Variants in CAP2 observed in about 807,000 individuals in gnomAD.
CAP2 encodes the protein cyclase associated actin cytoskeleton regulatory protein 2, also known as adenylyl cyclase-associated protein 2.
In CAP2, 24 loss-of-function variants were observed where a neutral mutation model predicts 57.7. The observed-to-expected ratio is 0.42, with a 90% confidence interval of 0.30 to 0.58. CAP2 has a LOEUF of 0.58. Ranked by LOEUF, CAP2 falls within the 20% of genes least tolerant of loss-of-function variation. CAP2 has a pLI of 0.22. For missense variants in CAP2, 501 were observed against 590.3 expected, an observed-to-expected ratio of 0.85 and a Z score of 1.57; for synonymous variants, 194 against 207.2, an observed-to-expected ratio of 0.94 and a Z score of 0.55.
At chr6:17,440,372 C>T (rs1052222240) in intron 3 of CAP2, among the ~76,000 whole-genome samples, 2 of 151,534 alleles carry the variant, frequency 1.3e-5, no homozygotes, top group Non-Finnish European at 2.9e-5. Flanking sequence ...GGCTACCTTT[C>T]TGAAGTTCAC....
chr6:17,475,430 T>C (rs553460241), intron 4 of CAP2, among the ~76,000 whole-genome samples: 1 of 152,276 alleles, frequency 6.6e-6, no homozygotes, highest in African/African-American at 2.4e-5. Flanking sequence ...ATGGGAAGAT[T>C]AGAGAAGAAC....
chr6:17,472,679 G>A (rs1761051756), intron 4 of CAP2, among the ~76,000 whole-genome samples: 2 of 152,270 alleles, frequency 1.3e-5, no homozygotes, highest in Middle Eastern at 3.4e-3. Flanking sequence ...GCCCGTGCTG[G>A]ATGTAGATGC....
In CAP2 at chr6:17,489,497, A is replaced by C. The variant is rs115540214; in HGVS notation, c.301-17672A>C. Among the ~76,000 whole-genome samples, 983 of 152,204 alleles carry C rather than the reference A, an allele frequency of 6.5e-3. 7 individuals are homozygous for C. Among genetic ancestry groups the C allele is most frequent in the African/African-American group, 0.022 (923 of 41,546 alleles). The stretch of plus-strand genomic sequence containing the variant: ...GAATACAGTAACTACCATTCAGTAC[A>C]GTTTCCAACAAGCAACAGTGTTAAG... On this transcript the variant is annotated intron_variant, in intron 4 of 12. Transcript: ENST00000229922.
intron 1 of CAP2, among the ~76,000 whole-genome samples, chr6:17,402,309 T>G (rs1220533072): frequency 2.0e-5 from 3 of 152,226 alleles, no homozygotes; most frequent in Non-Finnish European, 4.4e-5. Flanking sequence ...TAACCCATTT[T>G]AGTAAATTGC....
At chr6:17,467,455 C>T (rs1381965449) in intron 4 of CAP2, among the ~76,000 whole-genome samples, 2 of 152,166 alleles carry the variant, frequency 1.3e-5, no homozygotes, top group African/African-American at 2.4e-5. Flanking sequence ...AACCACATCA[C>T]GGGGAATGGG....
intron 4 of CAP2, among the ~76,000 whole-genome samples, chr6:17,466,663 C>T (rs557208735): frequency 3.3e-5 from 5 of 152,280 alleles, no homozygotes; most frequent in South Asian, 2.1e-4. Flanking sequence ...ACAGGCTCCC[C>T]GGCGATGCTG....
At chr6:17,504,758 T>C (rs1447237804) in intron 4 of CAP2, among the ~76,000 whole-genome samples, 1 of 152,154 alleles carries the variant, frequency 6.6e-6, no homozygotes, top group Non-Finnish European at 1.5e-5. Flanking sequence ...CCAAAACAAG[T>C]GTTTAATACC....
chr6:17,462,921 T>C, intron 3 of CAP2, 75 bp from the exon 4 acceptor site: 3 of 1,121,648 alleles, frequency 2.7e-6, no homozygotes, highest in South Asian at 2.5e-5. Flanking sequence ...TACCTACGGG[T>C]GGAATTGCCA....
At chr6:17,488,804 G>A (rs771696074) in intron 4 of CAP2, among the ~76,000 whole-genome samples, 1 of 152,156 alleles carries the variant, frequency 6.6e-6, no homozygotes, top group Non-Finnish European at 1.5e-5. Context: ...TAGCACACTT[G>A]GTCTTGAATT....
intron 3 of CAP2, among the ~76,000 whole-genome samples, chr6:17,434,143 A>G (rs1405512412): frequency 6.6e-6 from 1 of 151,800 alleles, no homozygotes; most frequent in East Asian, 1.9e-4. Flanking sequence ...TGGACAGCAA[A>G]TATGCTTTCT....
chr6:17,535,382 C>T (rs1029190093), intron 7 of CAP2, among the ~76,000 whole-genome samples: 1 of 151,070 alleles, frequency 6.6e-6, no homozygotes, highest in African/African-American at 2.4e-5. Context: ...TCAAGCGATT[C>T]TCCTGCCTCA....
intron 2 of CAP2, among the ~76,000 whole-genome samples, chr6:17,425,132 A>G (rs934937760): frequency 7.9e-5 from 12 of 152,268 alleles, no homozygotes; most frequent in African/African-American, 2.4e-4. Flanking sequence ...TGGGAAAAAG[A>G]GAAAAAGAAA....
intron 4 of CAP2, among the ~76,000 whole-genome samples, chr6:17,496,438 C>T (rs1167663347): frequency 6.6e-6 from 1 of 152,146 alleles, no homozygotes; most frequent in Non-Finnish European, 1.5e-5. Flanking sequence ...TTGAGCTACT[C>T]ACCAAATGAG....
At chr6:17,415,222 C>T (rs1305398846) in intron 1 of CAP2, among the ~76,000 whole-genome samples, 1 of 152,182 alleles carries the variant, frequency 6.6e-6, no homozygotes, top group African/African-American at 2.4e-5. Flanking sequence ...CTGAAAGACC[C>T]ACCTCTTTTA....
At chr6:17,497,770 T>C (rs1349406310) in intron 4 of CAP2, among the ~76,000 whole-genome samples, 2 of 152,234 alleles carry the variant, frequency 1.3e-5, no homozygotes, top group Non-Finnish European at 2.9e-5. Context: ...ATATGTTTTC[T>C]CTGACTGGAC....
At chr6:17,454,795 G>T (rs139068925) in intron 3 of CAP2, among the ~76,000 whole-genome samples, 190 of 152,160 alleles carry the variant, frequency 1.2e-3, no homozygotes, top group African/African-American at 4.3e-3. Flanking sequence ...AAACTTTTCC[G>T]TTTTCTATGC....
chr6:17,406,161 G>A (rs756961900), intron 1 of CAP2, among the ~76,000 whole-genome samples: 23 of 152,098 alleles, frequency 1.5e-4, no homozygotes, highest in South Asian at 2.1e-4. Context: ...TTTAGCTCTC[G>A]TCTCTCTGGG....
At chr6:17,437,945 C>T (rs913855873) in intron 3 of CAP2, among the ~76,000 whole-genome samples, 7 of 152,130 alleles carry the variant, frequency 4.6e-5, no homozygotes, top group South Asian at 2.1e-4. Context: ...AGTCCATAGG[C>T]GGGAGCAAGA....
Position 17,501,096 on chromosome 6 carries a change from C to T in CAP2, c.301-6073C>T, listed in dbSNP as rs143006445. On this transcript the variant is annotated intron_variant, in intron 4 of 12. Coordinates refer to ENST00000229922, the MANE Select transcript of CAP2 (RefSeq NM_006366.3). Reference sequence around the variant, plus strand: ...TCATTACCTTGAAATCATTCTTTCTCAAATGATAGAGTTCTCACAATACAC... The same window carrying T: ...TCATTACCTTGAAATCATTCTTTCTTAAATGATAGAGTTCTCACAATACAC... Among the ~76,000 whole-genome samples the T allele has an allele frequency of 2.0e-5, 3 of 152,280 alleles. No homozygotes were observed. In the East Asian group the frequency reaches 5.8e-4, roughly 29 times the overall value.
Sources: allele counts gnomAD v4.1 joint callset (sites outside exome capture counted in the v4.1 genomes callset), GRCh38; gene constraint gnomAD v4.1.1; transcripts MANE v1.5; gene names NCBI Gene and HGNC (gene_info 2026-07-23, HGNC 2026-07-21).